The following SAMMSON variants were observed in gnomAD, a reference collection of about 807,000 sequenced individuals.
The protein encoded by SAMMSON is long intergenic non-protein coding RNA 1212.
intron 3 of SAMMSON, among the ~76,000 whole-genome samples, chr3:70,039,683 G>A (rs1348452802): frequency 6.7e-6 from 1 of 149,344 alleles, no homozygotes; most frequent in Admixed American, 6.7e-5. Flanking sequence ...ACCCTAATAT[G>A]CCTATTGGAA....
intron 3 of SAMMSON, among the ~76,000 whole-genome samples, chr3:70,035,839 A>C (rs1319873504): frequency 6.6e-6 from 1 of 152,210 alleles, no homozygotes; most frequent in African/African-American, 2.4e-5. Context: ...TATCAAAAAG[A>C]ATAATTCAGT....
chr3:70,132,543 G>T (rs2067486749), intron 4 of SAMMSON, among the ~76,000 whole-genome samples: 1 of 151,960 alleles, frequency 6.6e-6, no homozygotes, highest in African/African-American at 2.4e-5. Context: ...CAGCCTCAAG[G>T]TGCCTGTTTT....
At chr3:70,003,962 C>A (rs1000906381) in intron 1 of SAMMSON, among the ~76,000 whole-genome samples, 6 of 151,912 alleles carry the variant, frequency 3.9e-5, no homozygotes, top group Non-Finnish European at 8.8e-5. Context: ...TATTTACTAT[C>A]TTTTTTCTTT....
intron 7 of SAMMSON, among the ~76,000 whole-genome samples, chr3:70,343,951 T>A (rs1702730832): frequency 2.0e-5 from 3 of 151,426 alleles, no homozygotes; most frequent in Admixed American, 2.0e-4. Context: ...ATTTTGTTGC[T>A]CAAATTGTTC....
chr3:70,062,620 T>C (rs950375718), intron 3 of SAMMSON, among the ~76,000 whole-genome samples: 6 of 152,118 alleles, frequency 3.9e-5, no homozygotes, highest in South Asian at 2.1e-4. Flanking sequence ...CTCTTTGATA[T>C]TGCACTGCTC....
At chr3:70,194,892 G>A (rs1021943593) in intron 4 of SAMMSON, among the ~76,000 whole-genome samples, 1 of 152,164 alleles carries the variant, frequency 6.6e-6, no homozygotes, top group Non-Finnish European at 1.5e-5. Flanking sequence ...GGGTAGAGGG[G>A]TGGGTGCTCA....
chr3:70,061,765 G>A (rs185214480), intron 3 of SAMMSON, among the ~76,000 whole-genome samples: 114 of 152,248 alleles, frequency 7.5e-4, no homozygotes, highest in Non-Finnish European at 1.5e-3. Context: ...GTCTCCTCAA[G>A]TGTGCCTTAT....
chr3:70,269,354 A>G (rs1047882806), intron 6 of SAMMSON, among the ~76,000 whole-genome samples: 7 of 152,178 alleles, frequency 4.6e-5, no homozygotes, highest in Non-Finnish European at 8.8e-5. Flanking sequence ...ACTGAACTGT[A>G]ACCTGTCTGG....
intron 7 of SAMMSON, among the ~76,000 whole-genome samples, chr3:70,321,135 CA>C (rs1274223418): frequency 1.3e-5 from 2 of 152,022 alleles, no homozygotes; most frequent in African/African-American, 4.8e-5. Flanking sequence ...ATAAATGACA[CA>C]AGGCATATGC....
intron 4 of SAMMSON, among the ~76,000 whole-genome samples, chr3:70,246,107 A>AC (rs1701706176): frequency 6.6e-6 from 1 of 152,072 alleles, no homozygotes; most frequent in South Asian, 2.1e-4. Context: ...ATAAAAAAAA[A>AC]CCCCACAGAT....
chr3:70,341,683 C>T (rs937961803), intron 7 of SAMMSON, among the ~76,000 whole-genome samples: 4 of 152,024 alleles, frequency 2.6e-5, no homozygotes, highest in African/African-American at 4.8e-5. Flanking sequence ...AAATGTGATG[C>T]CTGGAGGTGC....
At chr3:70,180,858 G>C (rs1452270236) in intron 4 of SAMMSON, among the ~76,000 whole-genome samples, 1 of 152,050 alleles carries the variant, frequency 6.6e-6, no homozygotes, top group African/African-American at 2.4e-5. Flanking sequence ...AAAAGCAAAG[G>C]CCCCCTAATT....
intron 3 of SAMMSON, among the ~76,000 whole-genome samples, chr3:70,052,762 A>G (rs143896649): frequency 2.0e-5 from 3 of 152,200 alleles, no homozygotes; most frequent in African/African-American, 7.2e-5. Flanking sequence ...ACAACCAAAA[A>G]TGCCTCCAGA....
intron 7 of SAMMSON, among the ~76,000 whole-genome samples, chr3:70,305,547 A>G (rs1428545804): frequency 6.6e-6 from 1 of 152,244 alleles, no homozygotes; most frequent in Non-Finnish European, 1.5e-5. Flanking sequence ...AAAGCACTTA[A>G]GTACATGAGT....
At chr3:70,109,388 A>G (rs1344022694) in intron 4 of SAMMSON, among the ~76,000 whole-genome samples, 1 of 152,096 alleles carries the variant, frequency 6.6e-6, no homozygotes, top group Admixed American at 6.5e-5. Context: ...TCCCGGCTAC[A>G]ATTCCTCCGG....
intron 6 of SAMMSON, among the ~76,000 whole-genome samples, chr3:70,264,835 A>C (rs1427285510): frequency 6.6e-6 from 1 of 152,150 alleles, no homozygotes; most frequent in African/African-American, 2.4e-5. Context: ...GGGATGTATT[A>C]GTCTGTTCTC....
intron 3 of SAMMSON, among the ~76,000 whole-genome samples, chr3:70,041,689 TAAC>T (rs1035941594): frequency 3.3e-5 from 5 of 152,112 alleles, no homozygotes; most frequent in African/African-American, 7.2e-5. Context: ...AAATACACTA[TAAC>T]AACAATTTCC....
intron 3 of SAMMSON, among the ~76,000 whole-genome samples, chr3:70,067,643 G>A (rs1321042989): frequency 6.6e-6 from 1 of 152,100 alleles, no homozygotes; most frequent in Non-Finnish European, 1.5e-5. Flanking sequence ...TGGTCAAGAA[G>A]GCAAGAAGAG....
At chr3:70,364,524 C>G (rs539676393) in intron 9 of SAMMSON, among the ~76,000 whole-genome samples, 1 of 151,808 alleles carries the variant, frequency 6.6e-6, no homozygotes, top group Non-Finnish European at 1.5e-5. Context: ...CTTACTACCC[C>G]AAAGATTCCT....
Sources: allele counts gnomAD v4.1 joint callset (sites outside exome capture counted in the v4.1 genomes callset), GRCh38; gene constraint gnomAD v4.1.1; transcripts MANE v1.5; gene names NCBI Gene and HGNC (gene_info 2026-07-23, HGNC 2026-07-21).